DPYSL2: variants seen among roughly 807,000 people sequenced by gnomAD.
The protein encoded by DPYSL2 is dihydropyrimidinase-related protein 2.
Under a neutral mutation model 69.9 loss-of-function variants are expected in DPYSL2, and 13 were observed. The ratio of observed to expected loss-of-function variants is 0.19; its 90% confidence interval spans 0.12 to 0.30. The LOEUF is 0.30. Ranked by LOEUF, DPYSL2 falls within the 10% of genes least tolerant of loss-of-function variation. The pLI is 1.00. For synonymous variants in DPYSL2, 326 were observed against 359.1 expected, an observed-to-expected ratio of 0.91 and a Z score of 1.04; for missense variants, 587 against 918.9, an observed-to-expected ratio of 0.64 and a Z score of 4.67.
At chr8:26,559,874 A>G (rs559020068) in intron 1 of DPYSL2, among the ~76,000 whole-genome samples, 1 of 152,280 alleles carries the variant, frequency 6.6e-6, no homozygotes, top group East Asian at 1.9e-4. Context: ...TAAATTCACA[A>G]GTTTCAGTAG....
chr8:26,550,269 A>G (rs1800851603), intron 1 of DPYSL2, among the ~76,000 whole-genome samples: 1 of 152,242 alleles, frequency 6.6e-6, no homozygotes, highest in Admixed American at 6.5e-5. Flanking sequence ...GGCAATGACC[A>G]GAAAAAGCTA....
chr8:26,615,043 A>G (rs934064988), intron 3 of DPYSL2, among the ~76,000 whole-genome samples: 40 of 152,218 alleles, frequency 2.6e-4, no homozygotes, highest in Non-Finnish European at 1.0e-4. Context: ...GAGTTCTGCC[A>G]AGAGCCTTAC....
intron 11 of DPYSL2, among the ~76,000 whole-genome samples, chr8:26,649,733 C>T (rs999984765): frequency 1.3e-5 from 2 of 152,176 alleles, no homozygotes. Context: ...TAAGCCTTTG[C>T]TTGGATTTTC....
rs895386050 is a variant in DPYSL2, at chr8:26,657,809, G to A, written c.*2103G>A. On this transcript the variant is annotated 3_prime_UTR_variant, in exon 14 of 14. Transcript: ENST00000521913. Reference sequence around the variant, plus strand: ...TAAAACCTGACGATTTCTGCAGGCTGTGTAAGCATGTTTACCTGTTGGCTT... The same window carrying A: ...TAAAACCTGACGATTTCTGCAGGCTATGTAAGCATGTTTACCTGTTGGCTT... The A allele has an allele frequency of 5.9e-5, 9 of 152,604 alleles. No individual in the cohort carries two copies. Among genetic ancestry groups the A allele is most frequent in the Non-Finnish European group, 1.3e-4 (9 of 68,036 alleles). 9.5% of individuals were successfully genotyped at this position (152,604 alleles called of 1,614,324 possible).
rs1803072737 is a variant in DPYSL2, at chr8:26,642,507, G to C, written c.1127-932G>C. Among the ~76,000 whole-genome samples the C allele has an allele frequency of 6.6e-6, 1 of 152,222 alleles. No homozygotes were observed. Among genetic ancestry groups the C allele is most frequent in the Non-Finnish European group, 1.5e-5 (1 of 68,042 alleles). On this transcript the variant is annotated intron_variant, in intron 8 of 13. Transcript: ENST00000521913. The surrounding 1 kb of genome is among the most constrained non-coding windows in gnomAD (Gnocchi z 5.3). ...CTGGAAGTGTCATGCGGAATGAATG[G>C]AGAGGTAGGAAGCGGGGTTGGGAGA...
At chr8:26,550,674 T>A (rs2117635729) in intron 1 of DPYSL2, among the ~76,000 whole-genome samples, 1 of 152,284 alleles carries the variant, frequency 6.6e-6, no homozygotes, top group South Asian at 2.1e-4. Flanking sequence ...GACAAGTGGC[T>A]TATTAGAGGA....
At chr8:26,622,439 C>T (rs1383373135) in intron 3 of DPYSL2, among the ~76,000 whole-genome samples, 3 of 150,152 alleles carry the variant, frequency 2.0e-5, no homozygotes, top group African/African-American at 7.4e-5. Context: ...GCTTAGATGG[C>T]CATATTGTAT....
At chr8:26,595,328 A>G (rs976855937) in intron 3 of DPYSL2, among the ~76,000 whole-genome samples, 1 of 152,090 alleles carries the variant, frequency 6.6e-6, no homozygotes, top group African/African-American at 2.4e-5. Flanking sequence ...TCCTCCTCCA[A>G]ATAATCTCTG....
intron 1 of DPYSL2, among the ~76,000 whole-genome samples, chr8:26,520,313 C>G (rs1274790894): frequency 6.6e-6 from 1 of 152,124 alleles, no homozygotes; most frequent in Non-Finnish European, 1.5e-5. Flanking sequence ...CATAAAGCAA[C>G]CTACTAATGA....
chr8:26,573,920 A>G (rs1221341028), intron 1 of DPYSL2, among the ~76,000 whole-genome samples: 1 of 149,052 alleles, frequency 6.7e-6, no homozygotes, highest in African/African-American at 2.5e-5. Flanking sequence ...TGACATTAAA[A>G]CTCACCTTGG....
At chr8:26,543,052 AGAC>A (rs965867552) in intron 1 of DPYSL2, among the ~76,000 whole-genome samples, 1 of 152,246 alleles carries the variant, frequency 6.6e-6, no homozygotes, top group African/African-American at 2.4e-5. Context: ...ATTTCATAGA[AGAC>A]AAAAATGGCA....
At chr8:26,646,403 G>A (rs1259600391) in intron 10 of DPYSL2, among the ~76,000 whole-genome samples, 1 of 152,116 alleles carries the variant, frequency 6.6e-6, no homozygotes, top group Non-Finnish European at 1.5e-5. Context: ...TCATTCCCCA[G>A]TGTCTTCTAC....
At chr8:26,633,596 T>C (rs922689232) in intron 7 of DPYSL2, among the ~76,000 whole-genome samples, 3 of 151,766 alleles carry the variant, frequency 2.0e-5, no homozygotes, top group South Asian at 2.1e-4. Context: ...GCCTCCTGAG[T>C]AGTTGGAATT....
chr8:26,570,078 G>A (rs1444199654), intron 1 of DPYSL2, among the ~76,000 whole-genome samples: 2 of 152,180 alleles, frequency 1.3e-5, no homozygotes, highest in Non-Finnish European at 2.9e-5. Flanking sequence ...ATCACACGCA[G>A]CAGACTTGAT....
intron 1 of DPYSL2, among the ~76,000 whole-genome samples, chr8:26,557,430 A>C (rs1801006144): frequency 6.6e-6 from 1 of 152,076 alleles, no homozygotes; most frequent in Non-Finnish European, 1.5e-5. Context: ...ACTCACGGCA[A>C]ATAAGCATGT....
intron 1 of DPYSL2, among the ~76,000 whole-genome samples, chr8:26,556,286 A>C (rs28497183): frequency 7.9e-4 from 2 of 2,524 alleles, no homozygotes; most frequent in South Asian, 6.2e-3. Flanking sequence ...TATTTATATA[A>C]TATATATAGT....
At chr8:26,548,197 G>T in intron 1 of DPYSL2, 1 of 240,738 alleles carries the variant, frequency 4.2e-6, no homozygotes, top group South Asian at 6.6e-5. Flanking sequence ...CTCAGAACAT[G>T]GAGATGCTGT....
At chr8:26,539,243 T>A (rs2117621247) in intron 1 of DPYSL2, among the ~76,000 whole-genome samples, 1 of 152,334 alleles carries the variant, frequency 6.6e-6, no homozygotes, top group Middle Eastern at 3.4e-3. Flanking sequence ...TAATTTAGCT[T>A]ATGGGTACAG....
intron 3 of DPYSL2, among the ~76,000 whole-genome samples, chr8:26,592,184 C>T (rs759027309): frequency 1.3e-5 from 2 of 152,136 alleles, no homozygotes; most frequent in East Asian, 1.9e-4. Context: ...TTTTTAGAAA[C>T]GGTGTCTCAC....
Sources: allele counts gnomAD v4.1 joint callset (sites outside exome capture counted in the v4.1 genomes callset), GRCh38; gene constraint gnomAD v4.1.1; non-coding constraint Gnocchi (gnomAD v3.1); transcripts MANE v1.5; gene names NCBI Gene and HGNC (gene_info 2026-07-23, HGNC 2026-07-21).